Variants in FER observed in about 807,000 individuals in gnomAD.
The protein encoded by FER is FER tyrosine kinase.
In FER, 63 loss-of-function variants were observed where a neutral mutation model predicts 111.0. The observed-to-expected ratio is 0.57, with a 90% CI of 0.46 to 0.70. The LOEUF (loss-of-function observed/expected upper bound fraction) is 0.70. Ranked by LOEUF, FER falls within the 30% of genes least tolerant of loss-of-function variation. The pLI, the probability that FER is intolerant of heterozygous loss-of-function variation, is 0.00. For synonymous variants in FER, 327 were observed against 313.9 expected (o/e 1.04, Z -0.44); for missense variants, 914 against 954.0 (o/e 0.96, Z 0.55).
chr5:108,971,548 C>G (rs1760666240), intron 13 of FER, among the ~76,000 whole-genome samples: 1 of 152,102 alleles, frequency 6.6e-6, no homozygotes, highest in Non-Finnish European at 1.5e-5. Flanking sequence ...GGAAATTTCT[C>G]TCTTGGGATT....
intron 5 of FER, among the ~76,000 whole-genome samples, chr5:108,863,205 C>T (rs1010734723): frequency 3.3e-5 from 5 of 152,058 alleles, no homozygotes; most frequent in Admixed American, 6.5e-5. Context: ...CTGCAACCTC[C>T]GCCTCCTGGG....
intron 2 of FER, among the ~76,000 whole-genome samples, chr5:108,771,427 A>G (rs1392542000): frequency 6.6e-6 from 1 of 152,202 alleles, no homozygotes; most frequent in African/African-American, 2.4e-5. Flanking sequence ...GTAGGATTTT[A>G]TAACTGAAAA....
At chr5:109,108,964 C>CA (rs1180898859) in intron 17 of FER, among the ~76,000 whole-genome samples, 1 of 151,786 alleles carries the variant, frequency 6.6e-6, no homozygotes, top group Non-Finnish European at 1.5e-5. Flanking sequence ...TTATTAAATA[C>CA]AAAAGCACTA....
intron 2 of FER, chr5:108,784,541 G>A (rs144869492): frequency 1.1e-3 from 169 of 152,714 alleles, no homozygotes; most frequent in African/African-American, 3.7e-3. Context: ...ACTCAGCGGC[G>A]CTAGAGGAAT....
intron 12 of FER, among the ~76,000 whole-genome samples, chr5:108,956,596 T>C (rs1758459508): frequency 6.6e-6 from 1 of 151,620 alleles, no homozygotes; most frequent in Admixed American, 6.6e-5. Context: ...TCACATTTGA[T>C]AGTTTTATCT....
chr5:108,926,081 TAC>T (rs1241146716), intron 10 of FER, among the ~76,000 whole-genome samples: 4 of 151,414 alleles, frequency 2.6e-5, no homozygotes, highest in Non-Finnish European at 4.4e-5. Flanking sequence ...TTTTTTTTTA[TAC>T]ACAGTCATTG....
chr5:108,844,990 GTGTGTGTATATATATATATATA>G (rs1761737064), intron 5 of FER, among the ~76,000 whole-genome samples: 2 of 41,814 alleles, frequency 4.8e-5, no homozygotes, highest in East Asian at 9.1e-4. Context: ...GCTGGTGTGT[GTGTGTGTATATATATATATATA>G]TATATATATA....
rs552065649 is a variant in FER at position 109,038,162 on chromosome 5, T to A, written c.1713+684T>A. On this transcript the variant is annotated intron_variant, in intron 14 of 19. Coordinates refer to ENST00000281092, the MANE Select transcript of FER (RefSeq NM_005246.4). ...ATTAACCAAATGGACTATTTGAAAATTTATTAATAACTTTTATTTATAATT... is the reference window on the plus strand; with the variant it reads ...ATTAACCAAATGGACTATTTGAAAAATTATTAATAACTTTTATTTATAATT... 2.0e-5 allele frequency among the ~76,000 whole-genome samples: 3 copies of A among 152,014 alleles called. No individual in the cohort carries two copies. The East Asian group carries it at 5.8e-4, about 29-fold the overall frequency.
chr5:108,751,406 T>C (rs572226674), intron 1 of FER, among the ~76,000 whole-genome samples: 1 of 152,306 alleles, frequency 6.6e-6, no homozygotes, highest in South Asian at 2.1e-4. Flanking sequence ...TCATCATCTT[T>C]GTAATCAAGG....
intron 17 of FER, among the ~76,000 whole-genome samples, chr5:109,166,134 CTTTT>C (rs796409137): frequency 6.9e-6 from 1 of 144,576 alleles, no homozygotes; most frequent in African/African-American, 2.5e-5. Flanking sequence ...ATGAGATTTT[CTTTT>C]TTTTTTTCAT....
intron 5 of FER, among the ~76,000 whole-genome samples, chr5:108,860,960 A>C (rs1763460562): frequency 6.6e-6 from 1 of 152,166 alleles, no homozygotes; most frequent in Non-Finnish European, 1.5e-5. Flanking sequence ...ACTCACTATC[A>C]CAAGAACAGC....
At chr5:108,854,066 A>G (rs997480436) in intron 5 of FER, among the ~76,000 whole-genome samples, 1 of 152,200 alleles carries the variant, frequency 6.6e-6, no homozygotes, top group Non-Finnish European at 1.5e-5. Context: ...TAGTTTGATA[A>G]AGTCACTGTG....
intron 10 of FER, among the ~76,000 whole-genome samples, chr5:108,941,617 TTAAGA>T (rs1218687085): frequency 7.2e-5 from 11 of 152,302 alleles, no homozygotes; most frequent in African/African-American, 2.6e-4. Context: ...AGAATCTTAG[TTAAGA>T]TACCTTGATA....
intron 10 of FER, among the ~76,000 whole-genome samples, chr5:108,937,681 G>T (rs980438908): frequency 1.9e-4 from 29 of 151,948 alleles, no homozygotes; most frequent in African/African-American, 6.3e-4. Flanking sequence ...TTTCATGTAG[G>T]CATACATGGT....
At chr5:109,119,022 G>C (rs1750631780) in intron 17 of FER, among the ~76,000 whole-genome samples, 1 of 150,168 alleles carries the variant, frequency 6.7e-6, no homozygotes, top group South Asian at 2.1e-4. Flanking sequence ...GTTCTGCTCT[G>C]ATCTTAGTTA....
At chr5:108,815,693 T>C (rs1758200792) in intron 3 of FER, among the ~76,000 whole-genome samples, 1 of 152,196 alleles carries the variant, frequency 6.6e-6, no homozygotes, top group South Asian at 2.1e-4. Context: ...AGTATTGCCT[T>C]ACCTTTTAAA....
At chr5:108,789,016 G>C (rs550591450) in intron 2 of FER, among the ~76,000 whole-genome samples, 3 of 152,116 alleles carry the variant, frequency 2.0e-5, no homozygotes, top group Non-Finnish European at 4.4e-5. Context: ...GGCTTCTTAT[G>C]TCTTATTAGC....
chr5:108,828,645 C>G (rs1561478879), intron 3 of FER, among the ~76,000 whole-genome samples: 1 of 152,012 alleles, frequency 6.6e-6, no homozygotes, highest in African/African-American at 2.4e-5. Flanking sequence ...GGTATTTTTA[C>G]TTTTTAATAT....
intron 6 of FER, among the ~76,000 whole-genome samples, chr5:108,870,224 GATGAATCTCATGGAACAAATACCCATTC>G (rs1366316758): frequency 6.6e-6 from 1 of 152,046 alleles, no homozygotes; most frequent in Admixed American, 6.6e-5. Flanking sequence ...TATCACCACA[GATGAATCTCATGGAACAAATACCCATTC>G]ATATAATATT....
Sources: gnomAD v4.1 joint callset for allele counts (sites outside exome capture counted in the v4.1 genomes callset) on GRCh38, gnomAD v4.1.1 for gene constraint, MANE v1.5 for transcripts, NCBI Gene and HGNC (gene_info 2026-07-23, HGNC 2026-07-21) for gene names.